Variants in RPS6KA2 observed in about 807,000 individuals in gnomAD.
RPS6KA2 encodes the protein ribosomal protein S6 kinase A2, also known as ribosomal protein S6 kinase alpha-2.
A neutral mutation model predicts 91.8 loss-of-function variants in RPS6KA2; 42 were observed. The observed-to-expected ratio is 0.46, with a 90% CI of 0.36 to 0.59. RPS6KA2 has a LOEUF of 0.59. Ranked by LOEUF, RPS6KA2 falls within the 20% of genes least tolerant of loss-of-function variation. RPS6KA2 has a pLI of 0.00. For synonymous variants in RPS6KA2, 414 were observed against 393.6 expected (o/e 1.05, Z -0.61); for missense variants, 798 against 978.5 (o/e 0.82, Z 2.46).
In RPS6KA2 at chr6:166,410,497, A is replaced by C. The variant is rs1194628060; in HGVS notation, c.*2265T>G. ...GGGAAAGTAGAGGTATTTCACAGACACTCAGCGGAGCAGGGCCAAGCCAGT... is the reference window on the plus strand; with the variant it reads ...GGGAAAGTAGAGGTATTTCACAGACCCTCAGCGGAGCAGGGCCAAGCCAGT... On this transcript the variant is annotated 3_prime_UTR_variant, in exon 21 of 21. Coordinates refer to ENST00000265678, the MANE Select transcript of RPS6KA2 (RefSeq NM_021135.6). 1 of 152,498 alleles carries C rather than the reference A, an allele frequency of 6.6e-6. No individual in the cohort carries two copies. Among genetic ancestry groups the C allele is most frequent in the African/African-American group, 2.4e-5 (1 of 41,402 alleles). 9.4% of individuals were successfully genotyped at this position (152,498 alleles called of 1,614,324 possible).
chr6:166,532,561 C>A (rs761818263), intron 2 of RPS6KA2, among the ~76,000 whole-genome samples: 8 of 152,344 alleles, frequency 5.3e-5, no homozygotes, highest in Non-Finnish European at 1.0e-4. Context: ...GCCCTGCCAT[C>A]TGTCCCGATC....
At chr6:166,778,183 C>T (rs115202905) in intron 2 of RPS6KA2, among the ~76,000 whole-genome samples, 2,234 of 152,306 alleles carry the variant, frequency 0.015, 60 homozygotes, top group African/African-American at 0.051. Context: ...GAGGGTGCCA[C>T]GGGCGCAGCA....
chr6:166,626,337 T>C lies in RPS6KA2; in HGVS notation c.99+584A>G, dbSNP rs955025274. On this transcript the variant is annotated intron_variant, in intron 1 of 20. Transcript: ENST00000265678. The surrounding 1 kb of genome is among the most constrained non-coding windows in gnomAD (Gnocchi z 4.1). ...TGTATCAGCCTCGGCGCTGCGAGGA[T>C]ATTGCATCAGGCTCTTTACTCCTGA... Among the ~76,000 whole-genome samples the C allele has an allele frequency of 2.6e-5, 4 of 152,230 alleles. No individual in the cohort carries two copies. The highest frequency in any genetic ancestry group is 3.2e-3 in the Middle Eastern group (1 of 316).
At chr6:166,739,055 A>G (rs1027394591) in intron 2 of RPS6KA2, among the ~76,000 whole-genome samples, 6 of 152,234 alleles carry the variant, frequency 3.9e-5, no homozygotes, top group African/African-American at 1.4e-4. Context: ...AAAAATCAAG[A>G]GTAATTCTTA....
chr6:166,625,323 A>ACCCCCCCC (rs1338733933), intron 1 of RPS6KA2, among the ~76,000 whole-genome samples: 1 of 30,348 alleles, frequency 3.3e-5, no homozygotes, highest in Non-Finnish European at 6.2e-5. Flanking sequence ...TATTCCCACC[A>ACCCCCCCC]CCCCCCCACC....
At chr6:166,513,360 G>A (rs1782535320) in intron 3 of RPS6KA2, among the ~76,000 whole-genome samples, 1 of 152,202 alleles carries the variant, frequency 6.6e-6, no homozygotes, top group South Asian at 2.1e-4. Context: ...GGAGGGTGCG[G>A]GAGCGACTGC....
chr6:166,413,914 C>G lies in RPS6KA2; in HGVS notation c.1956G>C (p.Met652Ile). 3.1e-6 allele frequency: 5 copies of G among 1,614,014 alleles called. No homozygotes were observed. Among genetic ancestry groups the G allele is most frequent in the Non-Finnish European group, 4.2e-6 (5 of 1,179,988 alleles). The change falls in exon 20 of 21, where the codon ATG becomes ATC. Residue 652 changes from methionine (M) to isoleucine (I), a missense_variant. Coordinates refer to ENST00000265678, the MANE Select transcript of RPS6KA2 (RefSeq NM_021135.6). ...SDAAKDVVSK[M>I]LHVDPHQRLT... ...GGCGCTGATGAGGGTCCACGTGGAG[C>G]ATCTTGGACACGACGTCCTGCCAGG...
At chr6:166,862,229 G>C (rs2128635565) in exon 1 of RPS6KA2, 3 of 1,611,840 alleles carry the variant, frequency 1.9e-6, no homozygotes. Flanking sequence ...AATAAACAGA[G>C]GCTCGGACCG....
intron 1 of RPS6KA2, among the ~76,000 whole-genome samples, chr6:166,859,605 G>C (rs1442167529): frequency 2.0e-5 from 3 of 152,184 alleles, no homozygotes; most frequent in Non-Finnish European, 4.4e-5. Flanking sequence ...GAACAACACA[G>C]AGAACCACAA....
chr6:166,586,572 C>T (rs572089533), intron 1 of RPS6KA2: 1 of 1,221,488 alleles, frequency 8.2e-7, no homozygotes, highest in South Asian at 1.4e-5. Context: ...CAGGCCGAAC[C>T]CCGCCGGCGA....
chr6:166,621,725 C>T (rs553412308), intron 1 of RPS6KA2, among the ~76,000 whole-genome samples: 1 of 152,204 alleles, frequency 6.6e-6, no homozygotes, highest in Non-Finnish European at 1.5e-5. Flanking sequence ...ACCAACTCCA[C>T]GTCATACAAA....
At chr6:166,578,745 G>A (rs1359704415) in intron 1 of RPS6KA2, among the ~76,000 whole-genome samples, 1 of 152,196 alleles carries the variant, frequency 6.6e-6, no homozygotes, top group Non-Finnish European at 1.5e-5. Context: ...TCACTGTGCT[G>A]GAGCAGGCCT....
At chr6:166,798,510 G>C (rs1034716098) in intron 2 of RPS6KA2, among the ~76,000 whole-genome samples, 1 of 152,210 alleles carries the variant, frequency 6.6e-6, no homozygotes, top group Admixed American at 6.5e-5. Flanking sequence ...CTGCAGATCT[G>C]AGCGCTCCCT....
At chr6:166,805,000 A>G (rs373729422) in intron 2 of RPS6KA2, among the ~76,000 whole-genome samples, 35 of 152,248 alleles carry the variant, frequency 2.3e-4, no homozygotes, top group African/African-American at 8.4e-4. Context: ...AAAGAAATAC[A>G]GGAAAGCTTC....
At chr6:166,735,893 G>T (rs1418272048) in intron 2 of RPS6KA2, among the ~76,000 whole-genome samples, 1 of 152,228 alleles carries the variant, frequency 6.6e-6, no homozygotes, top group Non-Finnish European at 1.5e-5. Flanking sequence ...ACAACAGACA[G>T]CTCTGAAAAG....
intron 10 of RPS6KA2, among the ~76,000 whole-genome samples, chr6:166,479,261 G>T (rs552707816): frequency 5.3e-5 from 8 of 151,880 alleles, no homozygotes; most frequent in African/African-American, 1.7e-4. Flanking sequence ...TAGCCCACGA[G>T]TGAGGGAAGG....
At chr6:166,538,544 C>G (rs1034220881) in intron 2 of RPS6KA2, 124 bp downstream of exon 2, 2 of 636,056 alleles carry the variant, frequency 3.1e-6, no homozygotes, top group African/African-American at 3.6e-5. Flanking sequence ...TCTGAACTGT[C>G]CAGGTTCCCG....
rs1047406835 is a variant in RPS6KA2, at chr6:166,692,806, T to C, written c.124-154022A>G. 2.6e-5 allele frequency among the ~76,000 whole-genome samples: 4 copies of C among 152,206 alleles called. No individual in the cohort carries two copies. The South Asian group carries it at 8.3e-4, about 31-fold the overall frequency. On this transcript the variant is annotated intron_variant, in intron 2 of 21. Transcript: ENST00000503859. ...AAGGGTACTTACTAACAATATCCCA[T>C]AGAACTTAGAGAAGGCTTGGCGGAG... is the stretch of plus-strand genomic sequence containing the variant.
intron 1 of RPS6KA2, among the ~76,000 whole-genome samples, chr6:166,581,537 G>A (rs1046467258): frequency 2.6e-5 from 4 of 151,872 alleles, no homozygotes; most frequent in Non-Finnish European, 2.9e-5. Context: ...GACCAGGCAT[G>A]GCAGCCTGTT....
Sources: allele counts gnomAD v4.1 joint callset (sites outside exome capture counted in the v4.1 genomes callset), GRCh38; gene constraint gnomAD v4.1.1; non-coding constraint Gnocchi (gnomAD v3.1); transcripts MANE v1.5; gene names NCBI Gene and HGNC (gene_info 2026-07-23, HGNC 2026-07-21).